RANBP17: variants seen among roughly 807,000 people sequenced by gnomAD.
The protein encoded by RANBP17 is ran-binding protein 17.
Under a neutral mutation model 141.2 loss-of-function variants are expected in RANBP17, and 158 were observed. The observed-to-expected ratio is 1.12, with a 90% confidence interval of 0.98 to 1.28. The LOEUF is 1.28. RANBP17 is among the 50% of genes most tolerant of loss of function. The pLI is 0.00. For missense variants in RANBP17, 1,438 were observed against 1,290.7 expected (o/e 1.11, Z -1.75); for synonymous variants, 430 against 450.0 (o/e 0.96, Z 0.56).
chr5:171,087,578 A>C (rs1785776168), intron 14 of RANBP17, among the ~76,000 whole-genome samples: 1 of 151,790 alleles, frequency 6.6e-6, no homozygotes, highest in South Asian at 2.1e-4. Context: ...AAAGTCTCCC[A>C]TTATTAATGT....
rs576366757 is a variant in RANBP17 at position 171,002,917 on chromosome 5, A to C, written c.1710+34540A>C. ...CCGGATTGAAGTCTGGGTCAGGAACAATGGTAACTGTGGGAGACTCAACAA... is the reference window on the plus strand; with the variant it reads ...CCGGATTGAAGTCTGGGTCAGGAACCATGGTAACTGTGGGAGACTCAACAA... On this transcript the variant is annotated intron_variant, in intron 14 of 27. Coordinates refer to ENST00000523189, the MANE Select transcript of RANBP17 (RefSeq NM_022897.5). Among the ~76,000 whole-genome samples, 5 of 152,286 alleles carry C rather than the reference A, an allele frequency of 3.3e-5. No individual in the cohort carries two copies. In the East Asian group the frequency reaches 9.6e-4, roughly 29 times the overall value.
intron 14 of RANBP17, among the ~76,000 whole-genome samples, chr5:171,016,732 G>A (rs959183933): frequency 6.0e-5 from 9 of 151,092 alleles, no homozygotes; most frequent in Non-Finnish European, 7.4e-5. Context: ...TTGTACCTCT[G>A]TTTTATTTGT....
intron 14 of RANBP17, among the ~76,000 whole-genome samples, chr5:170,977,702 A>G (rs1170593478): frequency 1.3e-5 from 2 of 152,134 alleles, no homozygotes; most frequent in East Asian, 1.9e-4. Flanking sequence ...AACAAGTATG[A>G]TAATTGAAAA....
intron 14 of RANBP17, among the ~76,000 whole-genome samples, chr5:171,123,186 C>T (rs576378236): frequency 2.3e-4 from 35 of 152,146 alleles, no homozygotes; most frequent in Non-Finnish European, 4.4e-4. Context: ...GGAGATTGAC[C>T]CACCAGAGCT....
At chr5:170,931,632 C>T (rs1009469212) in intron 12 of RANBP17, among the ~76,000 whole-genome samples, 1 of 152,152 alleles carries the variant, frequency 6.6e-6, no homozygotes, top group African/African-American at 2.4e-5. Flanking sequence ...ATATGGCTAG[C>T]CAGTTTTCCC....
intron 22 of RANBP17, among the ~76,000 whole-genome samples, chr5:171,235,611 T>C (rs745467514): frequency 4.6e-5 from 7 of 152,092 alleles, no homozygotes; most frequent in East Asian, 1.9e-4. Flanking sequence ...CACACACACA[T>C]ATATTTTTTC....
intron 20 of RANBP17, 188 bp downstream of exon 20, chr5:171,205,800 G>C: frequency 1.5e-6 from 1 of 685,794 alleles, no homozygotes; most frequent in Non-Finnish European, 2.7e-6. Flanking sequence ...TGGAGACCCA[G>C]CTCAGAGAAG....
At chr5:171,118,497 T>G (rs1581674196) in intron 14 of RANBP17, among the ~76,000 whole-genome samples, 1 of 152,152 alleles carries the variant, frequency 6.6e-6, no homozygotes, top group Non-Finnish European at 1.5e-5. Context: ...CTATTGTCAG[T>G]TTTACAATAT....
chr5:171,058,255 C>T (rs1301463863), intron 14 of RANBP17, among the ~76,000 whole-genome samples: 1 of 150,828 alleles, frequency 6.6e-6, no homozygotes, highest in African/African-American at 2.4e-5. Context: ...TGGTGTGCTG[C>T]ACCCATTAAC....
chr5:171,275,609 A>T (rs1312013722), intron 25 of RANBP17, among the ~76,000 whole-genome samples: 3 of 152,176 alleles, frequency 2.0e-5, no homozygotes, highest in African/African-American at 7.2e-5. Context: ...TGATTTGAAG[A>T]GTTTGATTTT....
chr5:171,139,591 C>T (rs1300073888), intron 14 of RANBP17, among the ~76,000 whole-genome samples: 3 of 152,282 alleles, frequency 2.0e-5, no homozygotes, highest in South Asian at 2.1e-4. Context: ...CTTCCTTACT[C>T]TCTACCAAGT....
intron 16 of RANBP17, among the ~76,000 whole-genome samples, chr5:171,176,248 A>G (rs1581794648): frequency 6.6e-6 from 1 of 152,214 alleles, no homozygotes; most frequent in South Asian, 2.1e-4. Context: ...TTTTCTATCA[A>G]AGTCACTTGA....
intron 4 of RANBP17, among the ~76,000 whole-genome samples, chr5:170,894,893 T>C (rs1769980655): frequency 6.6e-6 from 1 of 152,200 alleles, no homozygotes; most frequent in Non-Finnish European, 1.5e-5. Context: ...CCAGCTGACC[T>C]AGTGTACTTT....
chr5:171,174,751 AGTGTGTGTGTGTGTGTGTGTGTGTGT>A (rs57948503), intron 16 of RANBP17, among the ~76,000 whole-genome samples: 1 of 135,622 alleles, frequency 7.4e-6, no homozygotes, highest in Non-Finnish European at 1.6e-5. Flanking sequence ...AAATATCTAG[AGTGTGTGTGTGTGTGTGTGTGTGTGT>A]GTGTGTGTGT....
chr5:171,035,561 T>C (rs1411797202), intron 14 of RANBP17, among the ~76,000 whole-genome samples: 1 of 141,176 alleles, frequency 7.1e-6, no homozygotes, highest in Non-Finnish European at 1.6e-5. Context: ...TTTTTTAGGG[T>C]TTTTTTTTTT....
rs769742239 is a variant in RANBP17, at chr5:170,955,681, T to TATACACAC, written c.1574+1980_1574+1981insTACACACA. 7.7e-4 allele frequency among the ~76,000 whole-genome samples: 30 copies of TATACACAC among 39,082 alleles called. 7 individuals are homozygous for TATACACAC. Among genetic ancestry groups the TATACACAC allele is most frequent in the East Asian group, 2.0e-3 (2 of 988 alleles). The allele number at this position is 39,082 out of a possible 152,430, so 25.6% of individuals were successfully genotyped here. On this transcript the variant is annotated intron_variant, in intron 13 of 27. Coordinates refer to ENST00000523189, the MANE Select transcript of RANBP17 (RefSeq NM_022897.5). ...ATATATATATATATATATATATATATACACTGAATGAACTCTGTAGAGGAA... is the reference window on the plus strand; with the variant it reads ...ATATATATATATATATATATATATATATACACACACACTGAATGAACTCTGTAGAGGAA...
At chr5:171,083,200 G>T (rs762424513) in intron 14 of RANBP17, among the ~76,000 whole-genome samples, 4 of 152,152 alleles carry the variant, frequency 2.6e-5, no homozygotes, top group Non-Finnish European at 4.4e-5. Flanking sequence ...ACATTCATAT[G>T]TTGAAATCTA....
intron 14 of RANBP17, among the ~76,000 whole-genome samples, chr5:170,986,667 C>T (rs1457693): frequency 0.69 from 103,991 of 151,582 alleles, 35,851 homozygotes; most frequent in South Asian, 0.89. Flanking sequence ...AAAATAAAAA[C>T]GGGGAATTAT....
intron 12 of RANBP17, among the ~76,000 whole-genome samples, chr5:170,943,663 T>TATGTAGCAGATTTTTTTCTCTAA (rs1260433986): frequency 1.3e-5 from 2 of 152,136 alleles, no homozygotes; most frequent in Non-Finnish European, 2.9e-5. Flanking sequence ...ATATGAAACT[T>TATGTAGCAGATTTTTTTCTCTAA]ATGTAGCAGA....
Sources: allele counts gnomAD v4.1 joint callset (sites outside exome capture counted in the v4.1 genomes callset), GRCh38; gene constraint gnomAD v4.1.1; transcripts MANE v1.5; gene names NCBI Gene and HGNC (gene_info 2026-07-23, HGNC 2026-07-21).